The following GRID1 variants were observed in gnomAD, a reference collection of about 807,000 sequenced individuals.
GRID1 encodes the protein glutamate receptor ionotropic, delta-1.
GRID1 carries 28 observed loss-of-function variants against 98.0 expected under a neutral mutation model. That is an observed-to-expected ratio of 0.29 (90% CI 0.21 to 0.39). GRID1 has a LOEUF of 0.39. GRID1 is among the 10% of genes least tolerant of loss of function. The pLI, the probability that GRID1 is intolerant of heterozygous loss-of-function variation, is 1.00. For missense variants in GRID1, 1,111 were observed against 1,340.5 expected, an observed-to-expected ratio of 0.83 and a Z score of 2.67; for synonymous variants, 553 against 538.5, an observed-to-expected ratio of 1.03 and a Z score of -0.37.
intron 4 of GRID1, among the ~76,000 whole-genome samples, chr10:85,978,649 T>C (rs1589322033): frequency 1.3e-5 from 2 of 152,186 alleles, no homozygotes; most frequent in East Asian, 3.8e-4. Context: ...GAATGTCTAC[T>C]ACATGCTAGA....
rs10634848 is a variant in GRID1, at chr10:85,631,985, G to GCACA, written c.2194-11956_2194-11953dup. ...CCCTGTGTGCCATGTAAACACATAT[G>GCACA]CACACACACACACACACACACACAC... On this transcript the variant is annotated intron_variant, in intron 13 of 15. Coordinates refer to ENST00000327946, the MANE Select transcript of GRID1 (RefSeq NM_017551.3). Among the ~76,000 whole-genome samples the GCACA allele has an allele frequency of 6.5e-3, 962 of 147,828 alleles. 5 individuals carry two copies. The highest frequency in any genetic ancestry group is 0.018 in the African/African-American group (728 of 40,530).
At chr10:85,852,887 T>C (rs1191506532) in intron 8 of GRID1, among the ~76,000 whole-genome samples, 1 of 152,118 alleles carries the variant, frequency 6.6e-6, no homozygotes, top group African/African-American at 2.4e-5. Flanking sequence ...ACAGAATAGT[T>C]GCTAGCCGAC....
At chr10:85,911,173 C>A (rs538412313) in intron 5 of GRID1, among the ~76,000 whole-genome samples, 3 of 152,182 alleles carry the variant, frequency 2.0e-5, no homozygotes, top group Non-Finnish European at 2.9e-5. Context: ...ATATCACAGT[C>A]TTTTTCTTTT....
intron 2 of GRID1, among the ~76,000 whole-genome samples, chr10:86,253,684 A>G (rs1176695895): frequency 2.0e-5 from 3 of 152,162 alleles, no homozygotes; most frequent in Admixed American, 1.3e-4. Context: ...GGGGATCAGG[A>G]CAGACACACG....
intron 8 of GRID1, among the ~76,000 whole-genome samples, chr10:85,751,141 C>T (rs1842042118): frequency 6.6e-6 from 1 of 152,094 alleles, no homozygotes; most frequent in African/African-American, 2.4e-5. Flanking sequence ...AGAAGAGAGC[C>T]ATGAATGTAT....
intron 4 of GRID1, among the ~76,000 whole-genome samples, chr10:86,117,023 TACCACCATCACCATC>T (rs912305392): frequency 3.4e-5 from 5 of 146,938 alleles, no homozygotes; most frequent in African/African-American, 1.0e-4. Flanking sequence ...TCACCAATAC[TACCACCATCACCATC>T]ACCACCATCA....
At chr10:86,119,853 C>T (rs1844640549) in intron 4 of GRID1, among the ~76,000 whole-genome samples, 1 of 152,118 alleles carries the variant, frequency 6.6e-6, no homozygotes, top group Admixed American at 6.5e-5. Context: ...TGCAGTCGCG[C>T]CATCTCAGCT....
intron 4 of GRID1, among the ~76,000 whole-genome samples, chr10:86,062,896 C>G (rs1843668507): frequency 6.6e-6 from 1 of 152,256 alleles, no homozygotes; most frequent in Non-Finnish European, 1.5e-5. Context: ...CTTTCCCTCA[C>G]TATCGCTCAC....
At chr10:86,277,058 G>C (rs1589434937) in intron 2 of GRID1, among the ~76,000 whole-genome samples, 1 of 152,298 alleles carries the variant, frequency 6.6e-6, no homozygotes, top group South Asian at 2.1e-4. Context: ...CAAGAGCCGG[G>C]GGGAGAGGAA....
chr10:85,690,807 A>G (rs1841323356), intron 12 of GRID1, among the ~76,000 whole-genome samples: 2 of 152,194 alleles, frequency 1.3e-5, no homozygotes, highest in Non-Finnish European at 2.9e-5. Context: ...TCAAAAAGTT[A>G]GATATAAAAC....
intron 12 of GRID1, among the ~76,000 whole-genome samples, chr10:85,708,416 A>C (rs1261176594): frequency 6.6e-6 from 1 of 152,098 alleles, no homozygotes; most frequent in Admixed American, 6.5e-5. Flanking sequence ...AAAAAAAAAA[A>C]ATACAAGATT....
chr10:85,958,094 C>T (rs572732184), intron 4 of GRID1, among the ~76,000 whole-genome samples: 1 of 152,254 alleles, frequency 6.6e-6, no homozygotes, highest in African/African-American at 2.4e-5. Context: ...GGCCAATAAC[C>T]TCTAGAAACC....
chr10:85,672,601 C>T (rs181958070), intron 12 of GRID1, among the ~76,000 whole-genome samples: 8 of 152,246 alleles, frequency 5.3e-5, no homozygotes, highest in African/African-American at 1.4e-4. Context: ...CCCCCACGCC[C>T]GGCCTCTGTG....
intron 13 of GRID1, among the ~76,000 whole-genome samples, chr10:85,634,454 T>C (rs982252488): frequency 3.3e-5 from 5 of 152,132 alleles, no homozygotes; most frequent in African/African-American, 1.2e-4. Context: ...TTTTATCTTA[T>C]TGATGATGAC....
intron 3 of GRID1, among the ~76,000 whole-genome samples, chr10:86,162,037 G>A (rs1845330676): frequency 1.3e-5 from 2 of 152,144 alleles, no homozygotes; most frequent in African/African-American, 4.8e-5. Context: ...TGCTCTGGAG[G>A]GACGGCAAGA....
chr10:86,168,455 A>T (rs1030409127), intron 3 of GRID1, among the ~76,000 whole-genome samples: 1 of 152,274 alleles, frequency 6.6e-6, no homozygotes, highest in Middle Eastern at 3.4e-3. Context: ...CCGAGGGCAC[A>T]TCTGAGCCCT....
intron 3 of GRID1, among the ~76,000 whole-genome samples, chr10:86,144,380 C>G (rs910902517): frequency 6.6e-6 from 1 of 152,102 alleles, no homozygotes; most frequent in Non-Finnish European, 1.5e-5. Context: ...TCCTTGCTCG[C>G]CCCATGACAA....
chr10:86,136,488 CT>C (rs900469664), intron 4 of GRID1, among the ~76,000 whole-genome samples: 15 of 152,208 alleles, frequency 9.9e-5, no homozygotes, highest in Non-Finnish European at 2.1e-4. Context: ...GACTTGAATC[CT>C]GTTCAATGCC....
intron 15 of GRID1, among the ~76,000 whole-genome samples, chr10:85,608,947 T>G (rs1018006604): frequency 6.6e-6 from 1 of 152,116 alleles, no homozygotes; most frequent in African/African-American, 2.4e-5. Context: ...AGGGAGAGAC[T>G]GAGGTTCAGA....
Sources: allele counts gnomAD v4.1 joint callset (sites outside exome capture counted in the v4.1 genomes callset), GRCh38; gene constraint gnomAD v4.1.1; transcripts MANE v1.5; gene names NCBI Gene and HGNC (gene_info 2026-07-23, HGNC 2026-07-21).